NHS: variants seen among roughly 807,000 people sequenced by gnomAD.
The protein encoded by NHS is actin remodeling regulator NHS.
Under a neutral mutation model 72.5 loss-of-function variants are expected in NHS, and 5 were observed. That is an observed-to-expected ratio of 0.07 (90% CI 0.04 to 0.14). NHS has a LOEUF of 0.14. NHS is among the 10% of genes least tolerant of loss of function. NHS has a pLI of 1.00. For missense variants in NHS, 1,072 were observed against 1,355.7 expected, an observed-to-expected ratio of 0.79 and a Z score of 3.29; for synonymous variants, 464 against 547.7, an observed-to-expected ratio of 0.85 and a Z score of 2.13.
chrX:17,496,873 T>C (rs2065015229), intron 1 of NHS, among the ~76,000 whole-genome samples: 1 of 112,117 alleles, frequency 8.9e-6, no homozygotes, highest in South Asian at 3.7e-4. Context: ...TGCAGGACTT[T>C]TTATTGCTGT....
intron 1 of NHS, among the ~76,000 whole-genome samples, chrX:17,675,334 A>C (rs2066073450): frequency 8.9e-6 from 1 of 112,824 alleles, no homozygotes; most frequent in Admixed American, 9.4e-5. Flanking sequence ...AAATAGATCA[A>C]TTATAAAATC....
intron 1 of NHS, among the ~76,000 whole-genome samples, chrX:17,606,073 G>A (rs1159921133): frequency 8.9e-6 from 1 of 112,184 alleles, no homozygotes; most frequent in Non-Finnish European, 1.9e-5. Flanking sequence ...GGAAACTTTA[G>A]TTGTTTACAA....
At chrX:17,541,907 G>A (rs909553314) in intron 1 of NHS, among the ~76,000 whole-genome samples, 1 of 110,756 alleles carries the variant, frequency 9.0e-6, no homozygotes, top group Non-Finnish European at 1.9e-5. Context: ...AGAGTTCCCT[G>A]TGCGACCTCA....
At chrX:17,687,187 A>C in intron 1 of NHS, 1 of 131,131 alleles carries the variant, frequency 7.6e-6, no homozygotes, top group Non-Finnish European at 1.6e-5. Context: ...ATGACAGGCA[A>C]TGGAGCCGGT....
intron 3 of NHS, among the ~76,000 whole-genome samples, chrX:17,712,391 CACATATAT>C (rs2066339988): frequency 2.2e-5 from 2 of 89,398 alleles, no homozygotes; most frequent in African/African-American, 4.9e-5. Flanking sequence ...CACACACACA[CACATATAT>C]ATATATATAT....
intron 1 of NHS, among the ~76,000 whole-genome samples, chrX:17,445,736 C>T (rs1601710000): frequency 1.1e-5 from 1 of 89,692 alleles, no homozygotes; most frequent in Non-Finnish European, 2.1e-5. Context: ...TCTCGACTTA[C>T]TCACTGCTAA....
chrX:17,651,452 A>G (rs1175277560), intron 1 of NHS, among the ~76,000 whole-genome samples: 12 of 112,440 alleles, frequency 1.1e-4, no homozygotes, highest in Non-Finnish European at 1.9e-5. Context: ...AGGTAGGCTA[A>G]TTCTGGTAAT....
intron 1 of NHS, among the ~76,000 whole-genome samples, chrX:17,393,264 C>T (rs778039118): frequency 1.1e-5 from 1 of 91,907 alleles, no homozygotes; most frequent in Non-Finnish European, 2.3e-5. Context: ...GTTCTTATTC[C>T]TTGCTGTACC....
At chrX:17,403,949 T>A (rs775906951) in intron 1 of NHS, among the ~76,000 whole-genome samples, 17 of 111,508 alleles carry the variant, frequency 1.5e-4, no homozygotes, top group African/African-American at 5.2e-4. Context: ...CCCGGACAGG[T>A]GCAGCTATTT....
At chrX:17,561,543 C>G (rs933749435) in intron 1 of NHS, among the ~76,000 whole-genome samples, 3 of 103,399 alleles carry the variant, frequency 2.9e-5, no homozygotes, top group African/African-American at 1.1e-4. Flanking sequence ...GAGTTCTTCA[C>G]ACATGCAAGT....
chrX:17,395,581 T>G (rs929208274), intron 1 of NHS, among the ~76,000 whole-genome samples: 3 of 112,190 alleles, frequency 2.7e-5, no homozygotes, highest in African/African-American at 9.7e-5. Flanking sequence ...AAATGAACTG[T>G]GGGGGACCCC....
intron 1 of NHS, among the ~76,000 whole-genome samples, chrX:17,607,919 C>CTT (rs749347077): frequency 2.2e-4 from 20 of 92,229 alleles, no homozygotes; most frequent in South Asian, 5.0e-4. Flanking sequence ...CTTTTCTTTT[C>CTT]TTTTTTTTTT....
intron 1 of NHS, among the ~76,000 whole-genome samples, chrX:17,446,744 G>A (rs191269791): frequency 7.2e-5 from 8 of 110,702 alleles, no homozygotes; most frequent in African/African-American, 2.6e-4. Context: ...ATATTTTGGT[G>A]TATATCCTTC....
chrX:17,661,955 C>T (rs1041928236), intron 1 of NHS, among the ~76,000 whole-genome samples: 1 of 112,091 alleles, frequency 8.9e-6, no homozygotes, highest in East Asian at 2.8e-4. Flanking sequence ...TCTAGAGCTC[C>T]CCATGGGATG....
intron 3 of NHS, among the ~76,000 whole-genome samples, chrX:17,697,913 AAAG>A (rs2066240591): frequency 9.1e-6 from 1 of 110,195 alleles, no homozygotes; most frequent in Admixed American, 9.6e-5. Flanking sequence ...GTATAAGAAA[AAAG>A]AAGACTACTA....
chrX:17,727,280 A>G lies in NHS; in HGVS notation c.3174A>G (p.Glu1058=). 1 of 1,211,812 alleles carries G rather than the reference A, an allele frequency of 8.3e-7. No individual in the cohort carries two copies. The highest frequency in any genetic ancestry group is 1.1e-6 in the Non-Finnish European group (1 of 895,310). Residue 1058 remains glutamate, a synonymous_variant, in exon 7 of 9, where the codon GAA becomes GAG. Coordinates refer to ENST00000676302, the MANE Select transcript of NHS (RefSeq NM_001291867.2). ...GGSKRKPKVP[E]RKSSLQQPSL... ...GCAAAAGAAAACCTAAAGTCCCAGA[A>G]AGAAAATCCTCACTACAGCAACCCT...
chrX:17,445,186 A>G (rs985055913), intron 1 of NHS, among the ~76,000 whole-genome samples: 2 of 111,331 alleles, frequency 1.8e-5, no homozygotes, highest in African/African-American at 6.5e-5. Context: ...ACAACAGAGG[A>G]GGTAAGGTAT....
chrX:17,388,757 A>T (rs1218716375), intron 1 of NHS, among the ~76,000 whole-genome samples: 1 of 109,951 alleles, frequency 9.1e-6, no homozygotes, highest in Non-Finnish European at 1.9e-5. Flanking sequence ...ATTGATTTAG[A>T]GTTTAAAAGG....
chrX:17,579,923 G>A (rs1195626363), intron 1 of NHS, among the ~76,000 whole-genome samples: 1 of 110,902 alleles, frequency 9.0e-6, no homozygotes, highest in African/African-American at 3.3e-5. Flanking sequence ...GGTGAGATGT[G>A]TTCTCTACTC....
Sources: allele counts gnomAD v4.1 joint callset (sites outside exome capture counted in the v4.1 genomes callset), GRCh38; gene constraint gnomAD v4.1.1; transcripts MANE v1.5; gene names NCBI Gene and HGNC (gene_info 2026-07-23, HGNC 2026-07-21).